MYPN: variants seen among roughly 807,000 people sequenced by gnomAD.
MYPN encodes the protein sarcomeric protein myopalladin, 145 kDa (MYOP).
MYPN carries 63 observed loss-of-function variants against 129.4 expected under a neutral mutation model. The observed-to-expected ratio is 0.49, with a 90% CI of 0.40 to 0.60. The LOEUF (loss-of-function observed/expected upper bound fraction) is 0.60. Ranked by LOEUF, MYPN falls within the 20% of genes least tolerant of loss-of-function variation. The pLI is 0.00. For missense variants in MYPN, 1,596 were observed against 1,635.4 expected (o/e 0.98, Z 0.42); for synonymous variants, 629 against 600.9 (o/e 1.05, Z -0.68).
intron 1 of MYPN, among the ~76,000 whole-genome samples, chr10:68,092,167 A>T (rs2041934054): frequency 6.6e-6 from 1 of 152,160 alleles, no homozygotes; most frequent in African/African-American, 2.4e-5. Flanking sequence ...GGTGAAAAAA[A>T]TTTTACATAT....
chr10:68,143,535 T>C (rs932097998), intron 3 of MYPN, among the ~76,000 whole-genome samples: 1 of 151,984 alleles, frequency 6.6e-6, no homozygotes, highest in Admixed American at 6.6e-5. Context: ...GACACAGATA[T>C]GAGCCAATGT....
intron 12 of MYPN, among the ~76,000 whole-genome samples, chr10:68,184,437 AT>A (rs11377184): frequency 2.0e-5 from 3 of 151,054 alleles, no homozygotes; most frequent in East Asian, 2.0e-4. Flanking sequence ...TGTTGGAGGC[AT>A]TTTTTTTTAG....
At chr10:68,206,671 G>T in intron 18 of MYPN, 99 bp from the exon 19 acceptor site, 1 of 1,521,110 alleles carries the variant, frequency 6.6e-7, no homozygotes, top group Non-Finnish European at 9.1e-7. Context: ...CTTGATGTCT[G>T]CCTTAAGCTG....
At chr10:68,181,358 C>T (rs569284618) in intron 12 of MYPN, among the ~76,000 whole-genome samples, 1 of 152,034 alleles carries the variant, frequency 6.6e-6, no homozygotes, top group South Asian at 2.1e-4. Context: ...GTGGCATGAT[C>T]TCGGCTCACT....
At chr10:68,129,060 C>G (rs2042370002) in intron 2 of MYPN, among the ~76,000 whole-genome samples, 1 of 151,654 alleles carries the variant, frequency 6.6e-6, no homozygotes, top group African/African-American at 2.4e-5. Flanking sequence ...TAAAAGCCTC[C>G]TAGAGCAGGC....
intron 1 of MYPN, among the ~76,000 whole-genome samples, chr10:68,116,132 C>T (rs1246541438): frequency 6.6e-6 from 1 of 152,084 alleles, no homozygotes; most frequent in Non-Finnish European, 1.5e-5. Flanking sequence ...AGAACAGTGC[C>T]TGGCACATAG....
upstream of MYPN, chr10:68,106,754 T>C: frequency 2.8e-6 from 2 of 717,378 alleles, no homozygotes; most frequent in Non-Finnish European, 5.2e-6. Context: ...AGACTTCCTC[T>C]GCCATAGAAC....
At chr10:68,155,112 T>A (rs2042845981) in intron 6 of MYPN, among the ~76,000 whole-genome samples, 1 of 151,680 alleles carries the variant, frequency 6.6e-6, no homozygotes, top group African/African-American at 2.4e-5. Context: ...ACCCAGGAAG[T>A]GGAGGTTGCA....
intron 1 of MYPN, among the ~76,000 whole-genome samples, chr10:68,120,886 TAA>T (rs973931192): frequency 2.0e-5 from 3 of 152,210 alleles, no homozygotes; most frequent in Non-Finnish European, 2.9e-5. Context: ...AAGAGTTTAA[TAA>T]AGTGGTAATC....
At chr10:68,154,512 T>G (rs921237988) in intron 6 of MYPN, among the ~76,000 whole-genome samples, 3 of 152,174 alleles carry the variant, frequency 2.0e-5, no homozygotes, top group Non-Finnish European at 4.4e-5. Context: ...TTCAATCAAT[T>G]CTGGAGACTT....
intron 2 of MYPN, among the ~76,000 whole-genome samples, chr10:68,134,187 C>G (rs2042451056): frequency 6.6e-6 from 1 of 152,140 alleles, no homozygotes; most frequent in Non-Finnish European, 1.5e-5. Flanking sequence ...TCATTCAGCA[C>G]TCCCTACTAG....
At chr10:68,185,328 GA>G (rs2043404174) in intron 12 of MYPN, among the ~76,000 whole-genome samples, 1 of 152,092 alleles carries the variant, frequency 6.6e-6, no homozygotes, top group Non-Finnish European at 1.5e-5. Context: ...AAAATGAACA[GA>G]AAACTCTGAA....
chr10:68,121,204 TGAGGTG>T (rs2133992395), intron 1 of MYPN, among the ~76,000 whole-genome samples: 1 of 152,256 alleles, frequency 6.6e-6, no homozygotes, highest in South Asian at 2.1e-4. Context: ...CTTGAGCCCA[TGAGGTG>T]GAGGTTGCAG....
At chr10:68,140,024 G>A (rs2042550304) in intron 2 of MYPN, among the ~76,000 whole-genome samples, 1 of 152,172 alleles carries the variant, frequency 6.6e-6, no homozygotes, top group African/African-American at 2.4e-5. Context: ...GGATAAGGGG[G>A]CTATATTGGG....
chr10:68,140,853 G>T (rs57945758), intron 2 of MYPN, among the ~76,000 whole-genome samples: 6 of 151,806 alleles, frequency 4.0e-5, no homozygotes, highest in African/African-American at 1.5e-4. Context: ...CGGATGAATC[G>T]CTTGAGCCCA....
intron 7 of MYPN, among the ~76,000 whole-genome samples, chr10:68,159,054 C>A (rs1017675891): frequency 2.0e-5 from 3 of 152,080 alleles, no homozygotes; most frequent in Non-Finnish European, 4.4e-5. Context: ...ACAGTTATTG[C>A]CTTGGAATAA....
chr10:68,189,173 T>C (rs1428783287), intron 13 of MYPN, 47 bp downstream of exon 13: 3 of 1,367,540 alleles, frequency 2.2e-6, no homozygotes, highest in South Asian at 1.2e-5. Flanking sequence ...CATGAAGCTA[T>C]AGACAGTGCC....
intron 2 of MYPN, among the ~76,000 whole-genome samples, chr10:68,129,218 T>C (rs551886065): frequency 3.9e-5 from 6 of 152,280 alleles, no homozygotes; most frequent in Non-Finnish European, 5.9e-5. Context: ...CTGCTGATAA[T>C]TTGTTGAAGA....
rs200352249 is a variant in MYPN at position 68,148,448 on chromosome 10, G to T, written c.1226G>T (p.Arg409Leu). Residue 409 changes from arginine to leucine, a missense_variant, in exon 5 of 20, where the codon CGT (arginine) becomes CTT (leucine). Coordinates refer to ENST00000358913, the MANE Select transcript of MYPN (RefSeq NM_032578.4). ...PQAQHLVAQP[R>L]VATIQQCQSP... is the part of the protein sequence containing the mutation. Reference sequence around the variant, plus strand: ...GCCCAGCATTTGGTGGCCCAACCTCGTGTGGCAACCATCCAGCAGGTACAA... The same window carrying T: ...GCCCAGCATTTGGTGGCCCAACCTCTTGTGGCAACCATCCAGCAGGTACAA... 6.2e-7 allele frequency: 1 copy of T among 1,614,032 alleles called. No individual in the cohort carries two copies. Among genetic ancestry groups the T allele is most frequent in the Non-Finnish European group, 8.5e-7 (1 of 1,179,928 alleles).
Sources: allele counts gnomAD v4.1 joint callset (sites outside exome capture counted in the v4.1 genomes callset), GRCh38; gene constraint gnomAD v4.1.1; transcripts MANE v1.5; gene names NCBI Gene and HGNC (gene_info 2026-07-23, HGNC 2026-07-21).